DENND1B: variants seen among roughly 807,000 people sequenced by gnomAD.
The protein encoded by DENND1B is DENN domain-containing protein 1B.
A neutral mutation model predicts 90.1 loss-of-function variants in DENND1B; 59 were observed. The observed-to-expected ratio is 0.65, with a 90% confidence interval of 0.53 to 0.81. The LOEUF is 0.81. Among genes scored for constraint, DENND1B ranks in the 40% least tolerant of loss-of-function variants. DENND1B has a pLI of 0.00. For missense variants in DENND1B, 862 were observed against 912.6 expected, an observed-to-expected ratio of 0.94 and a Z score of 0.71; for synonymous variants, 337 against 324.6, an observed-to-expected ratio of 1.04 and a Z score of -0.41.
intron 15 of DENND1B, among the ~76,000 whole-genome samples, chr1:197,569,563 TACACACACACACACAC>T (rs4026518): frequency 2.0e-5 from 3 of 148,058 alleles, no homozygotes; most frequent in South Asian, 2.1e-4. Context: ...AAATGTGGTA[TACACACACACACACAC>T]ACACACACAC....
chr1:197,614,593 T>C (rs1677472889), intron 11 of DENND1B, among the ~76,000 whole-genome samples: 1 of 150,960 alleles, frequency 6.6e-6, no homozygotes, highest in South Asian at 2.1e-4. Flanking sequence ...TACAGAAGCC[T>C]CCATATGATT....
intron 2 of DENND1B, among the ~76,000 whole-genome samples, chr1:197,730,274 T>C (rs952315923): frequency 6.6e-6 from 1 of 151,930 alleles, no homozygotes; most frequent in African/African-American, 2.4e-5. Flanking sequence ...TTAGGATATA[T>C]AGGTAATAAA....
intron 13 of DENND1B, among the ~76,000 whole-genome samples, chr1:197,597,364 T>C (rs1269789866): frequency 2.0e-5 from 3 of 151,792 alleles, no homozygotes; most frequent in Admixed American, 6.6e-5. Context: ...AGGAATATGA[T>C]TCCAGTCTTT....
intron 13 of DENND1B, among the ~76,000 whole-genome samples, chr1:197,603,707 A>G (rs927875805): frequency 6.6e-6 from 1 of 151,266 alleles, no homozygotes; most frequent in African/African-American, 2.4e-5. Flanking sequence ...GAGTAATTCT[A>G]TTTATATTTG....
chr1:197,702,340 A>C (rs933096662), intron 3 of DENND1B, among the ~76,000 whole-genome samples: 1 of 152,182 alleles, frequency 6.6e-6, no homozygotes, highest in Non-Finnish European at 1.5e-5. Context: ...TACACATTTT[A>C]TTCTACTTGG....
At chr1:197,773,590 T>C (rs1656887134) in intron 1 of DENND1B, among the ~76,000 whole-genome samples, 2 of 152,234 alleles carry the variant, frequency 1.3e-5, no homozygotes, top group Non-Finnish European at 2.9e-5. Flanking sequence ...TTTTATCCAT[T>C]ATCTTTGGAG....
intron 2 of DENND1B, chr1:197,736,106 CTA>C: frequency 1.4e-6 from 1 of 714,262 alleles, no homozygotes; most frequent in Non-Finnish European, 2.4e-6. Context: ...GTGGAAAACG[CTA>C]AACTGGCAGA....
chr1:197,605,337 A>G (rs1036338064), intron 13 of DENND1B: 4 of 151,072 alleles, frequency 2.6e-5, no homozygotes, highest in African/African-American at 9.7e-5. Context: ...TTCTACTAGG[A>G]AAGTAGTACT....
chr1:197,648,422 G>A (rs542195396), intron 7 of DENND1B, among the ~76,000 whole-genome samples: 1 of 152,212 alleles, frequency 6.6e-6, no homozygotes, highest in East Asian at 1.9e-4. Context: ...TAAAGATGAA[G>A]TGTTTCAATA....
In DENND1B at chr1:197,642,823, T is replaced by C; in HGVS notation, c.562-2A>G. 1.9e-6 allele frequency: 3 copies of C among 1,605,838 alleles called. No individual in the cohort carries two copies. Among genetic ancestry groups the C allele is most frequent in the Non-Finnish European group, 2.6e-6 (3 of 1,174,316 alleles). Reference sequence around the variant, plus strand: ...AACAAAATATTCTGTAAGATTTCTCTGTACAAGTAAAAGATAATTGTGTAA... The same window carrying C: ...AACAAAATATTCTGTAAGATTTCTCCGTACAAGTAAAAGATAATTGTGTAA... On this transcript the variant is annotated splice_acceptor_variant, in intron 9 of 22. Coordinates refer to ENST00000620048, the MANE Select transcript of DENND1B (RefSeq NM_001195215.2). LOFTEE classifies it high-confidence loss of function.
At chr1:197,667,574 C>T (rs562466489) in intron 5 of DENND1B, among the ~76,000 whole-genome samples, 2 of 152,186 alleles carry the variant, frequency 1.3e-5, no homozygotes, top group South Asian at 2.1e-4. Flanking sequence ...GGATTATAGG[C>T]GTGCGCCACC....
chr1:197,524,285 A>G (rs1028841193), intron 20 of DENND1B, among the ~76,000 whole-genome samples: 3 of 152,172 alleles, frequency 2.0e-5, no homozygotes, highest in Non-Finnish European at 4.4e-5. Context: ...TATTACTAAT[A>G]TTTATGAAAC....
chr1:197,750,716 T>C (rs905899214), intron 2 of DENND1B, among the ~76,000 whole-genome samples: 3 of 152,124 alleles, frequency 2.0e-5, no homozygotes, highest in African/African-American at 7.2e-5. Flanking sequence ...GTTCTATTCA[T>C]ATAAAAGTAA....
intron 10 of DENND1B, among the ~76,000 whole-genome samples, chr1:197,628,898 T>C (rs1679053627): frequency 6.6e-6 from 1 of 152,158 alleles, no homozygotes; most frequent in East Asian, 1.9e-4. Context: ...AAAGAAGACA[T>C]TTATGCAGCC....
At chr1:197,513,920 T>C (rs1668217348) in intron 20 of DENND1B, among the ~76,000 whole-genome samples, 1 of 151,660 alleles carries the variant, frequency 6.6e-6, no homozygotes, top group Admixed American at 6.6e-5. Context: ...ACCCTCAGTT[T>C]CTTTTTCATC....
At chr1:197,628,099 C>T (rs1678950259) in intron 10 of DENND1B, among the ~76,000 whole-genome samples, 3 of 152,094 alleles carry the variant, frequency 2.0e-5, no homozygotes, top group Admixed American at 6.6e-5. Flanking sequence ...GGCCATACTG[C>T]CCAAGGTATT....
intron 2 of DENND1B, among the ~76,000 whole-genome samples, chr1:197,738,966 C>T (rs1306298440): frequency 6.6e-6 from 1 of 152,160 alleles, no homozygotes; most frequent in Non-Finnish European, 1.5e-5. Context: ...ATCTAGACTC[C>T]ACAAAGAGAA....
upstream of DENND1B, among the ~76,000 whole-genome samples, chr1:197,778,816 G>A (rs1201658315): frequency 6.6e-6 from 1 of 151,432 alleles, no homozygotes; most frequent in African/African-American, 2.4e-5. Context: ...TACTATTTAT[G>A]CTTTCATTTC....
chr1:197,691,953 G>A (rs1471912927), intron 3 of DENND1B, among the ~76,000 whole-genome samples: 2 of 151,726 alleles, frequency 1.3e-5, no homozygotes, highest in African/African-American at 4.8e-5. Flanking sequence ...TGCCAGCCAG[G>A]GTCCGTGAGT....
Sources: gnomAD v4.1 joint callset for allele counts (sites outside exome capture counted in the v4.1 genomes callset) on GRCh38, gnomAD v4.1.1 for gene constraint, MANE v1.5 for transcripts, NCBI Gene and HGNC (gene_info 2026-07-23, HGNC 2026-07-21) for gene names.